Variants in MAGI1 observed in about 807,000 individuals in gnomAD.
MAGI1 encodes membrane associated guanylate kinase, WW and PDZ domain containing 1, also known as membrane-associated guanylate kinase, WW and PDZ domain-containing protein 1.
A neutral mutation model predicts 139.9 loss-of-function variants in MAGI1; 58 were observed. That is an observed-to-expected ratio of 0.41 (90% CI 0.34 to 0.52). MAGI1 has a LOEUF of 0.52. Among genes scored for constraint, MAGI1 ranks in the 20% least tolerant of loss-of-function variants. The probability of loss-of-function intolerance (pLI) is 0.12; values close to 1 mark genes in which losing one functional copy is unlikely to be tolerated. For synonymous variants in MAGI1, 812 were observed against 737.9 expected (o/e 1.10, Z -1.63); for missense variants, 1,874 against 1,901.6 (o/e 0.99, Z 0.27).
At chr3:65,946,541 G>A (rs2063552597) in intron 1 of MAGI1, among the ~76,000 whole-genome samples, 1 of 152,060 alleles carries the variant, frequency 6.6e-6, no homozygotes, top group Non-Finnish European at 1.5e-5. Flanking sequence ...GCATGGACGA[G>A]AACAGCCACC....
At chr3:65,515,759 T>A (rs1430601954) in intron 2 of MAGI1, among the ~76,000 whole-genome samples, 1 of 152,224 alleles carries the variant, frequency 6.6e-6, no homozygotes, top group Non-Finnish European at 1.5e-5. Context: ...TTGTCACTTG[T>A]CACTTCAGGC....
At chr3:65,812,458 T>TCACACACACA (rs779884222) in intron 1 of MAGI1, among the ~76,000 whole-genome samples, 1,972 of 101,498 alleles carry the variant, frequency 0.019, 21 homozygotes, top group Non-Finnish European at 0.022. Context: ...TCTCTCTCTC[T>TCACACACACA]CTCTCTCTCT....
intron 5 of MAGI1, among the ~76,000 whole-genome samples, chr3:65,459,109 C>G (rs925168146): frequency 1.3e-4 from 20 of 152,068 alleles, no homozygotes; most frequent in African/African-American, 4.8e-4. Context: ...ATGAGTTCAC[C>G]GTAGATGTAT....
At chr3:65,771,311 T>C (rs1296414234) in intron 1 of MAGI1, among the ~76,000 whole-genome samples, 1 of 125,918 alleles carries the variant, frequency 7.9e-6, no homozygotes. Context: ...TGTCTCAATG[T>C]CTCAAAAAAA....
intron 1 of MAGI1, among the ~76,000 whole-genome samples, chr3:65,757,789 A>G (rs1269876617): frequency 1.3e-5 from 2 of 152,206 alleles, no homozygotes; most frequent in Non-Finnish European, 2.9e-5. Context: ...CCTAAAATAA[A>G]TTATTTGAGA....
At chr3:65,974,512 T>C (rs940791157) in intron 1 of MAGI1, among the ~76,000 whole-genome samples, 12 of 152,290 alleles carry the variant, frequency 7.9e-5, no homozygotes, top group African/African-American at 2.4e-4. Context: ...CCCAGTCTTA[T>C]TGGCTTCAAA....
intron 14 of MAGI1, among the ~76,000 whole-genome samples, chr3:65,390,719 T>C (rs1943856348): frequency 6.6e-6 from 1 of 152,152 alleles, no homozygotes; most frequent in Non-Finnish European, 1.5e-5. Flanking sequence ...TTTTTAAAAA[T>C]CAAGAGACCA....
chr3:65,662,612 T>C (rs986735941), intron 1 of MAGI1, among the ~76,000 whole-genome samples: 1 of 152,248 alleles, frequency 6.6e-6, no homozygotes, highest in Non-Finnish European at 1.5e-5. Flanking sequence ...TCAATTTAAG[T>C]TGTGCAATAT....
At chr3:65,595,808 G>GGGGAGGGTA (rs2082164378) in intron 2 of MAGI1, among the ~76,000 whole-genome samples, 1 of 135,102 alleles carries the variant, frequency 7.4e-6, no homozygotes, top group Non-Finnish European at 1.6e-5. Context: ...TTAACTCTCT[G>GGGGAGGGTA]GGGTGGGTAG....
intron 1 of MAGI1, among the ~76,000 whole-genome samples, chr3:65,626,234 T>C (rs1395013364): frequency 6.6e-6 from 1 of 152,204 alleles, no homozygotes; most frequent in Non-Finnish European, 1.5e-5. Context: ...TAACTTTTTA[T>C]CACATATATA....
At chr3:65,510,002 C>T (rs943815726) in intron 2 of MAGI1, among the ~76,000 whole-genome samples, 1 of 152,164 alleles carries the variant, frequency 6.6e-6, no homozygotes, top group Non-Finnish European at 1.5e-5. Flanking sequence ...GACCCCTGAC[C>T]CCCGAGCACC....
intron 2 of MAGI1, among the ~76,000 whole-genome samples, chr3:65,569,653 G>A (rs572983245): frequency 5.9e-5 from 9 of 152,156 alleles, no homozygotes; most frequent in African/African-American, 2.2e-4. Context: ...AAGGTGGGAG[G>A]ACTGCTTGAG....
At chr3:65,583,492 G>A (rs1576389997) in intron 2 of MAGI1, among the ~76,000 whole-genome samples, 1 of 151,952 alleles carries the variant, frequency 6.6e-6, no homozygotes, top group African/African-American at 2.4e-5. Flanking sequence ...GAATTCCAGT[G>A]ACATTCCTAA....
At chr3:65,738,189 C>T (rs1344045608) in intron 1 of MAGI1, among the ~76,000 whole-genome samples, 1 of 152,240 alleles carries the variant, frequency 6.6e-6, no homozygotes, top group East Asian at 1.9e-4. Context: ...TCCTGATGAC[C>T]GCCATAAAGT....
chr3:65,875,129 C>T (rs1408965640), intron 1 of MAGI1: 2 of 152,522 alleles, frequency 1.3e-5, no homozygotes, highest in Non-Finnish European at 2.9e-5. Flanking sequence ...AAATACTATG[C>T]TAAGAAGCCA....
intron 1 of MAGI1, among the ~76,000 whole-genome samples, chr3:65,682,979 A>C (rs1347929611): frequency 6.6e-6 from 1 of 151,984 alleles, no homozygotes; most frequent in Non-Finnish European, 1.5e-5. Context: ...TAGGCATTAG[A>C]TTCTCATAAA....
intron 1 of MAGI1, among the ~76,000 whole-genome samples, chr3:65,831,464 G>T (rs914726541): frequency 3.3e-5 from 5 of 152,170 alleles, no homozygotes; most frequent in African/African-American, 9.7e-5. Context: ...TAGAGATAAA[G>T]CATCTTATTG....
intron 1 of MAGI1, among the ~76,000 whole-genome samples, chr3:65,698,792 T>A (rs1267427973): frequency 2.8e-5 from 4 of 145,162 alleles, no homozygotes; most frequent in African/African-American, 1.0e-4. Flanking sequence ...AACCTAGGCA[T>A]TACCATTCAG....
chr3:65,383,790 C>T (rs867133367), intron 14 of MAGI1, among the ~76,000 whole-genome samples, 167 bp from the exon 15 acceptor site: 31 of 152,146 alleles, frequency 2.0e-4, no homozygotes, highest in Middle Eastern at 6.4e-3. Flanking sequence ...TAATGGAAGA[C>T]ACGGGGATAA....
Sources: gnomAD v4.1 joint callset for allele counts (sites outside exome capture counted in the v4.1 genomes callset) on GRCh38, gnomAD v4.1.1 for gene constraint, MANE v1.5 for transcripts, NCBI Gene and HGNC (gene_info 2026-07-23, HGNC 2026-07-21) for gene names.